The following ABCA12 variants were observed in gnomAD, a reference collection of about 807,000 sequenced individuals.
ABCA12 encodes glucosylceramide transporter ABCA12.
ABCA12 carries 156 observed loss-of-function variants against 293.5 expected under a neutral mutation model. The observed-to-expected ratio is 0.53, with a 90% CI of 0.47 to 0.61. The LOEUF (loss-of-function observed/expected upper bound fraction) is 0.61. Among genes scored for constraint, ABCA12 ranks in the 20% least tolerant of loss-of-function variants. The probability of loss-of-function intolerance (pLI) is 0.00; values close to 1 mark genes in which losing one functional copy is unlikely to be tolerated. For synonymous variants in ABCA12, 1,063 were observed against 1,108.0 expected (o/e 0.96, Z 0.81); for missense variants, 2,797 against 3,090.2 (o/e 0.91, Z 2.25).
At chr2:214,975,292 T>A (rs1286657401) in intron 34 of ABCA12, among the ~76,000 whole-genome samples, 2 of 152,112 alleles carry the variant, frequency 1.3e-5, no homozygotes, top group Admixed American at 1.3e-4. Flanking sequence ...CTAAGAAATC[T>A]GAAAAAAGAC....
intron 15 of ABCA12, 83 bp from the exon 16 acceptor site, chr2:215,012,218 C>T: frequency 7.6e-7 from 1 of 1,308,624 alleles, no homozygotes; most frequent in Non-Finnish European, 1.1e-6. Flanking sequence ...TAGAAAGGTA[C>T]AGCCACTTTG....
At chr2:214,996,325 T>C (rs1468781711) in intron 23 of ABCA12, among the ~76,000 whole-genome samples, 1 of 152,214 alleles carries the variant, frequency 6.6e-6, no homozygotes, top group African/African-American at 2.4e-5. Context: ...CATTTGTATA[T>C]ATACTGTATG....
intron 2 of ABCA12, among the ~76,000 whole-genome samples, chr2:215,105,603 A>ACACG (rs71041990): frequency 4.9e-4 from 53 of 108,962 alleles, no homozygotes; most frequent in African/African-American, 1.8e-3. Flanking sequence ...ACACACACGC[A>ACACG]CACACACACA....
chr2:215,031,727 T>C, intron 9 of ABCA12, 94 bp downstream of exon 9: 1 of 1,482,678 alleles, frequency 6.7e-7, no homozygotes, highest in Non-Finnish European at 9.4e-7. Flanking sequence ...TATTCCATGC[T>C]TATATACACT....
chr2:215,126,504 C>A (rs1180122447), intron 1 of ABCA12, among the ~76,000 whole-genome samples: 1 of 152,070 alleles, frequency 6.6e-6, no homozygotes, highest in Non-Finnish European at 1.5e-5. Flanking sequence ...TTTAGGGTAT[C>A]TAATTCTTTC....
At chr2:215,088,440 G>C (rs114754900) in intron 2 of ABCA12, among the ~76,000 whole-genome samples, 1 of 152,120 alleles carries the variant, frequency 6.6e-6, no homozygotes, top group Non-Finnish European at 1.5e-5. Context: ...ATTAGGCAAC[G>C]GCCAGTTTGG....
intron 39 of ABCA12, among the ~76,000 whole-genome samples, chr2:214,966,066 C>T (rs558626072): frequency 9.9e-4 from 151 of 152,168 alleles, no homozygotes; most frequent in African/African-American, 3.3e-3. Context: ...TAAAAAGGAA[C>T]GAGATCATGT....
intron 9 of ABCA12, among the ~76,000 whole-genome samples, chr2:215,031,543 T>A (rs1475487619): frequency 6.6e-6 from 1 of 152,164 alleles, no homozygotes; most frequent in Admixed American, 6.5e-5. Flanking sequence ...CTCATAGGCA[T>A]AAGGTAACCA....
intron 3 of ABCA12, among the ~76,000 whole-genome samples, chr2:215,061,250 A>G (rs564147806): frequency 6.6e-6 from 1 of 152,166 alleles, no homozygotes; most frequent in South Asian, 2.1e-4. Flanking sequence ...TAAACATCTC[A>G]TCCTGAAGCT....
intron 15 of ABCA12, among the ~76,000 whole-genome samples, chr2:215,015,047 T>G (rs1163860038): frequency 6.6e-6 from 1 of 152,132 alleles, no homozygotes; most frequent in Non-Finnish European, 1.5e-5. Context: ...TCTAAATTGA[T>G]GAAGGAAACA....
rs148445044 is a variant in ABCA12 at position 215,012,014 on chromosome 2, G to T, written c.2078C>A (p.Ser693Tyr). Reference sequence around the variant, plus strand: ...TCTGGGCAGATGCATTTGCTTCAGGGATCTCATTTTGTCTAGCAGCGGATG... The same window carrying T: ...TCTGGGCAGATGCATTTGCTTCAGGTATCTCATTTTGTCTAGCAGCGGATG... Reference protein sequence around the residue: ...GTHPLLDKMRSLKQMHLPRSV... With the variant: ...GTHPLLDKMRYLKQMHLPRSV... The change falls in exon 16 of 53, where the codon TCC (serine) becomes TAC (tyrosine). Residue 693 changes from serine (S) to tyrosine (Y), a missense_variant. This residue lies in a region of ABCA12 where 2,130 missense variants were observed against 2,427.0 expected (regional missense o/e 0.88). Coordinates refer to ENST00000272895, the MANE Select transcript of ABCA12 (RefSeq NM_173076.3). 323 of 1,613,960 alleles carry T rather than the reference G, an allele frequency of 2.0e-4. No individual in the cohort carries two copies. Among genetic ancestry groups the T allele is most frequent in the South Asian group, 6.6e-5 (6 of 91,080 alleles).
intron 36 of ABCA12, among the ~76,000 whole-genome samples, chr2:214,973,639 A>C (rs1699437966): frequency 6.6e-6 from 1 of 152,060 alleles, no homozygotes. Context: ...TTATGGTCTC[A>C]TTTTTTCCTG....
chr2:215,118,196 G>T (rs185855237), intron 1 of ABCA12, among the ~76,000 whole-genome samples: 2 of 152,280 alleles, frequency 1.3e-5, no homozygotes, highest in East Asian at 3.9e-4. Context: ...GAGGTCAGGA[G>T]TTTGAGACCA....
intron 44 of ABCA12, among the ~76,000 whole-genome samples, chr2:214,953,114 A>G (rs1698831254): frequency 6.6e-6 from 1 of 152,242 alleles, no homozygotes; most frequent in Non-Finnish European, 1.5e-5. Flanking sequence ...AATATACTTT[A>G]CACATAGTTC....
rs149833080 is a variant in ABCA12 at position 215,137,958 on chromosome 2, G to A, written c.69+182C>T. Among the ~76,000 whole-genome samples the A allele has an allele frequency of 9.7e-3, 1,474 of 152,178 alleles. 14 individuals are homozygous for A. Among genetic ancestry groups the A allele is most frequent in the Non-Finnish European group, 0.016 (1,090 of 68,020 alleles). ...TGAAATGAAAAGGCTGCTTTTGGGG[G>A]CATGTTAAGACTCGCTCCATTAGCT... On this transcript the variant is annotated intron_variant, in intron 1 of 52. Transcript: ENST00000272895.
intron 2 of ABCA12, among the ~76,000 whole-genome samples, chr2:215,086,413 T>C (rs1469667987): frequency 2.0e-5 from 3 of 152,222 alleles, no homozygotes; most frequent in Non-Finnish European, 1.5e-5. Flanking sequence ...GCTTCTCCTG[T>C]CTGTACCTTC....
At position 215,086,919 on chromosome 2, in the gene ABCA12, T is replaced by TTCATTA. The variant is rs1425030663; in HGVS notation, c.164-22701_164-22700insTAATGA. On this transcript the variant is annotated intron_variant, in intron 2 of 52. Transcript: ENST00000272895. ...GAACTTACCTTTCTCTAACTACCAG[T>TTCATTA]TTATTATTATTATTATTATTATTAT... Among the ~76,000 whole-genome samples, 150 of 151,098 alleles carry TTCATTA rather than the reference T, an allele frequency of 9.9e-4. 2 individuals carry two copies. The highest frequency in any genetic ancestry group is 3.4e-3 in the African/African-American group (138 of 40,700).
chr2:215,011,780 T>C (rs1700379936), intron 16 of ABCA12, 131 bp from the exon 17 acceptor site: 2 of 1,156,128 alleles, frequency 1.7e-6, no homozygotes, highest in Non-Finnish European at 2.6e-6. Context: ...ATATGTTTAT[T>C]CCAAATGTAA....
intron 36 of ABCA12, among the ~76,000 whole-genome samples, chr2:214,971,679 T>C (rs1342658834): frequency 6.6e-6 from 1 of 152,232 alleles, no homozygotes; most frequent in Non-Finnish European, 1.5e-5. Context: ...TCAATCATTC[T>C]CATTTTGTTT....
Sources: allele counts gnomAD v4.1 joint callset (sites outside exome capture counted in the v4.1 genomes callset), GRCh38; gene constraint gnomAD v4.1.1; regional missense constraint gnomAD v4.1.1; transcripts MANE v1.5; gene names NCBI Gene and HGNC (gene_info 2026-07-23, HGNC 2026-07-21).